The following RNF38 variants were observed in gnomAD, a reference collection of about 807,000 sequenced individuals.
RNF38 encodes E3 ubiquitin-protein ligase RNF38.
In RNF38, 15 loss-of-function variants were observed where a neutral mutation model predicts 67.2. That is an observed-to-expected ratio of 0.22 (90% CI 0.15 to 0.34). The LOEUF is 0.34. Among genes scored for constraint, RNF38 ranks in the 10% least tolerant of loss-of-function variants. The probability of loss-of-function intolerance (pLI) is 1.00; values close to 1 mark genes in which losing one functional copy is unlikely to be tolerated. For synonymous variants in RNF38, 220 were observed against 218.8 expected (o/e 1.01, Z -0.05); for missense variants, 524 against 639.9 (o/e 0.82, Z 1.95).
chr9:36,413,346 G>A (rs958801323), intron 2 of RNF38, among the ~76,000 whole-genome samples: 10 of 152,012 alleles, frequency 6.6e-5, no homozygotes, highest in African/African-American at 1.4e-4. Flanking sequence ...AAACCGATGC[G>A]GCACCATGCT....
intron 1 of RNF38, among the ~76,000 whole-genome samples, chr9:36,451,150 G>T (rs1306155324): frequency 6.6e-6 from 1 of 151,740 alleles, no homozygotes; most frequent in African/African-American, 2.4e-5. Flanking sequence ...ACAAACAAGC[G>T]GCTTTCTTCA....
chr9:36,360,433 A>G (rs1834444182), intron 4 of RNF38, among the ~76,000 whole-genome samples: 1 of 152,210 alleles, frequency 6.6e-6, no homozygotes, highest in South Asian at 2.1e-4. Context: ...TCTGAAATGC[A>G]TGGGACCAGA....
chr9:36,438,208 G>A (rs1335169333), intron 1 of RNF38, among the ~76,000 whole-genome samples: 1 of 152,072 alleles, frequency 6.6e-6, no homozygotes, highest in Non-Finnish European at 1.5e-5. Context: ...GAAGTGCTGG[G>A]ATTACAGGAG....
chr9:36,402,106 G>A (rs574436558), upstream of RNF38, among the ~76,000 whole-genome samples: 12 of 152,198 alleles, frequency 7.9e-5, no homozygotes, highest in Non-Finnish European at 1.5e-4. Context: ...CAAGGCCCAA[G>A]TCTAGTGCCA....
chr9:36,460,170 T>C (rs957759329), intron 1 of RNF38, among the ~76,000 whole-genome samples: 2 of 152,154 alleles, frequency 1.3e-5, no homozygotes, highest in Non-Finnish European at 2.9e-5. Context: ...TAGAAGATAC[T>C]AAGAATGTTG....
At chr9:36,435,347 T>C (rs1243548559) in intron 1 of RNF38, among the ~76,000 whole-genome samples, 1 of 152,138 alleles carries the variant, frequency 6.6e-6, no homozygotes, top group African/African-American at 2.4e-5. Flanking sequence ...ATACTTGAGG[T>C]TGCCAAGTTG....
chr9:36,423,948 CAAAAAAAAAA>C lies in RNF38; in HGVS notation n.312+655_312+664del, dbSNP rs1176900248. On this transcript the variant is annotated intron_variant and non_coding_transcript_variant, in intron 2 of 3. Transcript: ENST00000488058. ...TGGGCGACAGAGCGAGACTCCGTCT[CAAAAAAAAAA>C]AAAAAAAAAAAAAAAGAAAAGCCCC... Among the ~76,000 whole-genome samples the C allele has an allele frequency of 8.1e-4, 6 of 7,412 alleles. 1 individual carries two copies. Among genetic ancestry groups the C allele is most frequent in the African/African-American group, 1.7e-3 (4 of 2,288 alleles). 4.9% of individuals were successfully genotyped at this position (7,412 alleles called of 152,430 possible). A position where few individuals can be genotyped will look rare whatever the true frequency, so the allele number is the denominator to read the frequency against.
At chr9:36,475,544 A>G (rs772556569) in intron 1 of RNF38, among the ~76,000 whole-genome samples, 1 of 151,624 alleles carries the variant, frequency 6.6e-6, no homozygotes, top group Admixed American at 6.6e-5. Flanking sequence ...TTTTTAGTAG[A>G]GGCAGGTTTT....
At position 36,364,062 on chromosome 9, in the gene RNF38, T is replaced by C. The variant is rs1834758097; in HGVS notation, c.570+5657A>G. ...GCCAGGCTGGCTCGAACTCTTGACC[T>C]CAAGGGATCTGCCCACTTCAGCCTC... On this transcript the variant is annotated intron_variant, in intron 4 of 11. Transcript: ENST00000259605. 4.7e-5 allele frequency among the ~76,000 whole-genome samples: 2 copies of C among 42,612 alleles called. 1 individual carries two copies. The highest frequency in any genetic ancestry group is 1.6e-4 in the Non-Finnish European group (2 of 12,394). The allele number at this position is 42,612 out of a possible 152,430, so 28.0% of individuals were successfully genotyped here. A position where few individuals can be genotyped will look rare whatever the true frequency, so the allele number is the denominator to read the frequency against.
At chr9:36,348,387 C>T (rs983173505) in intron 9 of RNF38, among the ~76,000 whole-genome samples, 2 of 151,858 alleles carry the variant, frequency 1.3e-5, no homozygotes, top group African/African-American at 4.8e-5. Flanking sequence ...GTGGGAGAAT[C>T]GCTTGAGCCT....
chr9:36,456,277 G>A (rs1217970875), intron 1 of RNF38, among the ~76,000 whole-genome samples: 1 of 152,074 alleles, frequency 6.6e-6, no homozygotes, highest in African/African-American at 2.4e-5. Flanking sequence ...GGCTGGTCTC[G>A]AACTTCTGGC....
chr9:36,480,628 T>G (rs1353786315), intron 1 of RNF38, among the ~76,000 whole-genome samples: 1 of 139,868 alleles, frequency 7.1e-6, no homozygotes. Flanking sequence ...CTCAACTCAC[T>G]GCAATCTCCG....
intron 2 of RNF38, among the ~76,000 whole-genome samples, chr9:36,407,016 C>A (rs982639137): frequency 7.3e-5 from 11 of 151,334 alleles, no homozygotes; most frequent in East Asian, 3.9e-4. Context: ...ACAAAAAAAA[C>A]CCAAAAAACA....
intron 1 of RNF38, among the ~76,000 whole-genome samples, chr9:36,464,869 A>G (rs1220668249): frequency 2.6e-5 from 4 of 152,300 alleles, no homozygotes; most frequent in Non-Finnish European, 5.9e-5. Context: ...CAAAGAAAAA[A>G]GTAAAGAAAG....
intron 1 of RNF38, among the ~76,000 whole-genome samples, chr9:36,478,230 C>G (rs906605828): frequency 6.6e-5 from 10 of 151,174 alleles, no homozygotes; most frequent in Non-Finnish European, 1.2e-4. Flanking sequence ...TGGTGAAACC[C>G]CATCTCTACT....
At chr9:36,467,221 TATATATATATA>T (rs1485685731) in intron 1 of RNF38, among the ~76,000 whole-genome samples, 1 of 60,878 alleles carries the variant, frequency 1.6e-5, no homozygotes, top group African/African-American at 6.5e-5. Flanking sequence ...CTATTACATA[TATATATATATA>T]ATATATATAT....
chr9:36,451,197 C>T (rs1839430003), intron 1 of RNF38, among the ~76,000 whole-genome samples: 1 of 151,530 alleles, frequency 6.6e-6, no homozygotes. Context: ...GGCGCAGTGG[C>T]TCATGTCTGT....
Position 36,400,141 on chromosome 9 carries a change from G to A in RNF38, c.-33C>T, listed in dbSNP as rs770578600. 34 of 1,610,732 alleles carry A rather than the reference G, an allele frequency of 2.1e-5. No individual in the cohort carries two copies. In the Admixed American group the frequency reaches 3.5e-4, roughly 17 times the overall value. On this transcript the variant is annotated 5_prime_UTR_variant, in exon 1 of 12. Transcript: ENST00000259605. ...TAAACAAAAACTTTATTTCTTTTTGGACCTCAATAACCTGAAACACTCCCG... is the reference window on the plus strand; with the variant it reads ...TAAACAAAAACTTTATTTCTTTTTGAACCTCAATAACCTGAAACACTCCCG...
At chr9:36,390,750 T>C (rs994898977) in intron 1 of RNF38, 134 bp from the exon 2 acceptor site, 26 of 960,404 alleles carry the variant, frequency 2.7e-5, no homozygotes, top group African/African-American at 3.4e-5. Context: ...AAATTAAAAA[T>C]TAATTTTAAA....
Sources: allele counts gnomAD v4.1 joint callset (sites outside exome capture counted in the v4.1 genomes callset), GRCh38; gene constraint gnomAD v4.1.1; transcripts MANE v1.5; gene names NCBI Gene and HGNC (gene_info 2026-07-23, HGNC 2026-07-21).